Variants in PCSK5 observed in about 807,000 individuals in gnomAD.
PCSK5 encodes the protein prohormone convertase 5.
In PCSK5, 129 loss-of-function variants were observed where a neutral mutation model predicts 233.2. The observed-to-expected ratio is 0.55, with a 90% confidence interval of 0.48 to 0.64. The LOEUF (loss-of-function observed/expected upper bound fraction) is 0.64, where lower values mean the gene tolerates loss of function less well. PCSK5 is among the 30% of genes least tolerant of loss of function. PCSK5 has a pLI of 0.00. For missense variants in PCSK5, 2,076 were observed against 2,430.1 expected (o/e 0.85, Z 3.06); for synonymous variants, 825 against 879.2 (o/e 0.94, Z 1.09).
At chr9:76,346,049 C>T (rs114146535) in intron 35 of PCSK5, among the ~76,000 whole-genome samples, 2,007 of 152,272 alleles carry the variant, frequency 0.013, 43 homozygotes, top group African/African-American at 0.044. Flanking sequence ...TTTAATCCAT[C>T]TTGAGTTATC....
intron 7 of PCSK5, among the ~76,000 whole-genome samples, chr9:76,073,100 A>C (rs1415260202): frequency 6.6e-6 from 1 of 152,242 alleles, no homozygotes; most frequent in Non-Finnish European, 1.5e-5. Flanking sequence ...TATTGAATCA[A>C]ATTTAATTAA....
intron 5 of PCSK5, among the ~76,000 whole-genome samples, chr9:76,062,408 T>C (rs888250137): frequency 1.3e-5 from 2 of 152,028 alleles, no homozygotes; most frequent in Non-Finnish European, 2.9e-5. Context: ...AAGCAAGAAA[T>C]AGAAATAGCT....
At chr9:75,984,946 A>G (rs530828035) in intron 2 of PCSK5, among the ~76,000 whole-genome samples, 23 of 152,272 alleles carry the variant, frequency 1.5e-4, no homozygotes, top group African/African-American at 5.5e-4. Context: ...CAGGTGAGAG[A>G]GGTCTTAAAA....
chr9:75,996,596 A>T (rs1207479957), intron 3 of PCSK5, among the ~76,000 whole-genome samples: 2 of 152,238 alleles, frequency 1.3e-5, no homozygotes, highest in African/African-American at 2.4e-5. Flanking sequence ...CTTCCAGAAG[A>T]GGCTAATAAT....
intron 32 of PCSK5, 145 bp from the exon 33 acceptor site, chr9:76,327,862 CAT>C: frequency 1.5e-6 from 1 of 677,800 alleles, no homozygotes; most frequent in Non-Finnish European, 2.7e-6. Context: ...GTACTCAACT[CAT>C]GGCCCCACAC....
At chr9:76,200,530 A>C (rs774175315) in intron 20 of PCSK5, among the ~76,000 whole-genome samples, 1 of 152,208 alleles carries the variant, frequency 6.6e-6, no homozygotes, top group Non-Finnish European at 1.5e-5. Context: ...TCTTGTTCAC[A>C]GCTGTATCTT....
At chr9:76,158,852 A>G in intron 11 of PCSK5, 131 bp from the exon 12 acceptor site, 1 of 711,932 alleles carries the variant, frequency 1.4e-6, no homozygotes, top group South Asian at 2.0e-5. Flanking sequence ...TATTTTGGTG[A>G]TAGCACTGTT....
At chr9:76,094,610 AT>A (rs34310543) in intron 7 of PCSK5, among the ~76,000 whole-genome samples, 7 of 149,092 alleles carry the variant, frequency 4.7e-5, no homozygotes, top group African/African-American at 1.2e-4. Context: ...TAAGAAAGTC[AT>A]TTTTTTTTTC....
chr9:75,968,165 C>T (rs1470489977), intron 2 of PCSK5, among the ~76,000 whole-genome samples: 3 of 152,228 alleles, frequency 2.0e-5, no homozygotes, highest in Non-Finnish European at 4.4e-5. Context: ...ACACTAGTGC[C>T]TAGCACAGTG....
At chr9:76,106,718 T>C (rs1189821661) in intron 8 of PCSK5, among the ~76,000 whole-genome samples, 1 of 152,238 alleles carries the variant, frequency 6.6e-6, no homozygotes, top group Admixed American at 6.5e-5. Flanking sequence ...TAGAAACAGG[T>C]CCACAACCAA....
At chr9:76,146,475 C>G (rs370856034) in intron 10 of PCSK5, among the ~76,000 whole-genome samples, 5 of 151,786 alleles carry the variant, frequency 3.3e-5, no homozygotes, top group East Asian at 3.9e-4. Flanking sequence ...AGATGTTAAA[C>G]TTTCCTTCCA....
chr9:76,138,905 C>T (rs1823086919), intron 10 of PCSK5, among the ~76,000 whole-genome samples: 1 of 151,912 alleles, frequency 6.6e-6, no homozygotes, highest in African/African-American at 2.4e-5. Flanking sequence ...TTTTTTCTAC[C>T]AGCATGTTGC....
At chr9:75,989,630 A>G (rs1252955278) in intron 3 of PCSK5, among the ~76,000 whole-genome samples, 1 of 152,108 alleles carries the variant, frequency 6.6e-6, no homozygotes, top group East Asian at 1.9e-4. Flanking sequence ...GAGAGCGGGA[A>G]GCTAGACTTC....
chr9:75,943,355 G>T (rs1410255025), intron 2 of PCSK5, among the ~76,000 whole-genome samples: 2 of 152,124 alleles, frequency 1.3e-5, no homozygotes, highest in African/African-American at 2.4e-5. Context: ...TAGGGAATAA[G>T]TGCAAACAGC....
At chr9:76,061,027 A>G (rs1433670983) in intron 5 of PCSK5, among the ~76,000 whole-genome samples, 2 of 152,164 alleles carry the variant, frequency 1.3e-5, no homozygotes, top group East Asian at 1.9e-4. Context: ...TAGTCACTAA[A>G]TATCTTTTTT....
At chr9:76,257,664 G>A (rs761104761) in intron 24 of PCSK5, among the ~76,000 whole-genome samples, 34 of 152,236 alleles carry the variant, frequency 2.2e-4, no homozygotes, top group African/African-American at 6.5e-4. Flanking sequence ...TAAACGCTGC[G>A]GCAAGCTGGA....
intron 9 of PCSK5, among the ~76,000 whole-genome samples, chr9:76,133,842 CT>C (rs1822859426): frequency 6.6e-6 from 1 of 151,948 alleles, no homozygotes; most frequent in Admixed American, 6.6e-5. Flanking sequence ...AACGCTCACC[CT>C]TTTAAAAAAC....
At chr9:76,283,255 A>G (rs1202483549) in intron 24 of PCSK5, among the ~76,000 whole-genome samples, 1 of 152,222 alleles carries the variant, frequency 6.6e-6, no homozygotes, top group Admixed American at 6.5e-5. Flanking sequence ...ATGCTATCAA[A>G]CAGCATCACA....
intron 8 of PCSK5, among the ~76,000 whole-genome samples, chr9:76,103,729 G>A (rs1024734244): frequency 8.5e-5 from 13 of 152,130 alleles, no homozygotes; most frequent in African/African-American, 3.1e-4. Flanking sequence ...TGCTGATCAG[G>A]ACAGCTTTGA....
Sources: gnomAD v4.1 joint callset for allele counts (sites outside exome capture counted in the v4.1 genomes callset) on GRCh38, gnomAD v4.1.1 for gene constraint, MANE v1.5 for transcripts, NCBI Gene and HGNC (gene_info 2026-07-23, HGNC 2026-07-21) for gene names.